OCA2: variants seen among roughly 807,000 people sequenced by gnomAD.
OCA2 encodes the protein OCA2 melanosomal transmembrane protein.
A neutral mutation model predicts 100.2 loss-of-function variants in OCA2; 77 were observed. The ratio of observed to expected loss-of-function variants is 0.77; its 90% confidence interval spans 0.64 to 0.93. OCA2 has a LOEUF of 0.93. Ranked by LOEUF, OCA2 falls within the 40% of genes least tolerant of loss-of-function variation. OCA2 has a pLI of 0.00. For missense variants in OCA2, 1,062 were observed against 1,089.1 expected, an observed-to-expected ratio of 0.98 and a Z score of 0.35; for synonymous variants, 432 against 439.2, an observed-to-expected ratio of 0.98 and a Z score of 0.21.
intron 17 of OCA2, 147 bp downstream of exon 17, chr15:27,955,009 ACT>A: frequency 2.7e-6 from 2 of 730,146 alleles, no homozygotes; most frequent in Non-Finnish European, 4.9e-6. Context: ...TTCCCCATCC[ACT>A]CACACACATA....
intron 2 of OCA2, among the ~76,000 whole-genome samples, chr15:28,041,060 A>G (rs2043186759): frequency 1.3e-5 from 2 of 152,284 alleles, no homozygotes; most frequent in Middle Eastern, 6.8e-3. Flanking sequence ...ACGAAAAGAA[A>G]ACTACAAACC....
At chr15:27,899,784 C>T (rs1388483018) in intron 19 of OCA2, among the ~76,000 whole-genome samples, 1 of 152,212 alleles carries the variant, frequency 6.6e-6, no homozygotes, top group Non-Finnish European at 1.5e-5. Context: ...CACCCTACAG[C>T]ATGCAGTATG....
chr15:28,032,862 C>A (rs1427632936), intron 2 of OCA2, among the ~76,000 whole-genome samples: 3 of 151,700 alleles, frequency 2.0e-5, no homozygotes, highest in African/African-American at 7.3e-5. Flanking sequence ...GCAGAAAATT[C>A]TATTTCCTAA....
chr15:27,928,735 T>C (rs1041825955), intron 18 of OCA2, among the ~76,000 whole-genome samples: 1 of 152,174 alleles, frequency 6.6e-6, no homozygotes, highest in Non-Finnish European at 1.5e-5. Context: ...AAGTCAGCAA[T>C]GTCCCTCTCA....
the OCA2 span, among the ~76,000 whole-genome samples, chr15:27,722,832 TTCTC>T: frequency 1.6e-4 from 20 of 126,016 alleles, no homozygotes; most frequent in African/African-American, 4.5e-4. Context: ...CTCTCTCTCT[TTCTC>T]TCTTTCTCTC....
At chr15:27,725,807 G>A in the OCA2 span, among the ~76,000 whole-genome samples, 13,672 of 151,972 alleles carry the variant, frequency 0.09, 2,121 homozygotes, top group African/African-American at 0.31. Flanking sequence ...TATTTGAAGA[G>A]GGTCAGCTTT....
At chr15:27,926,049 C>T in intron 19 of OCA2, 78 bp downstream of exon 19, 1 of 1,503,506 alleles carries the variant, frequency 6.7e-7, no homozygotes, top group Non-Finnish European at 9.2e-7. Context: ...TAGATGTAGG[C>T]TTTCTTCATT....
the OCA2 span, among the ~76,000 whole-genome samples, chr15:27,748,213 AC>A: frequency 6.6e-6 from 1 of 151,996 alleles, no homozygotes; most frequent in Non-Finnish European, 1.5e-5. Context: ...CCCTTCCCCA[AC>A]CCAGACACAC....
intron 2 of OCA2, among the ~76,000 whole-genome samples, chr15:28,077,662 T>A (rs997813666): frequency 6.6e-6 from 1 of 152,168 alleles, no homozygotes; most frequent in African/African-American, 2.4e-5. Context: ...AGGACTACTA[T>A]TAAAGGAGGG....
chr15:27,831,644 A>G (rs2034961541), intron 23 of OCA2, among the ~76,000 whole-genome samples: 1 of 152,176 alleles, frequency 6.6e-6, no homozygotes, highest in African/African-American at 2.4e-5. Context: ...GAGCCCTTCC[A>G]GAGGGAGCGT....
chr15:27,996,396 A>G (rs1394523443), intron 9 of OCA2, among the ~76,000 whole-genome samples: 5 of 152,152 alleles, frequency 3.3e-5, no homozygotes, highest in Non-Finnish European at 7.3e-5. Flanking sequence ...AAAAAGAAGA[A>G]AGAGCTCAAA....
chr15:27,924,752 A>T (rs1305844568), intron 19 of OCA2, among the ~76,000 whole-genome samples: 1 of 152,228 alleles, frequency 6.6e-6, no homozygotes, highest in Non-Finnish European at 1.5e-5. Flanking sequence ...AGTAAAAGAT[A>T]AAGAGAGGAA....
chr15:27,810,125 C>CA (rs1486645452), intron 23 of OCA2, among the ~76,000 whole-genome samples: 12 of 152,162 alleles, frequency 7.9e-5, no homozygotes, highest in African/African-American at 2.9e-4. Context: ...AGTCATGCTA[C>CA]AAGGCTATAG....
the OCA2 span, among the ~76,000 whole-genome samples, chr15:27,746,970 G>C: frequency 1.3e-5 from 2 of 152,300 alleles, no homozygotes; most frequent in African/African-American, 4.8e-5. Flanking sequence ...CATCCATTCA[G>C]ATGTTCCCTC....
intron 23 of OCA2, among the ~76,000 whole-genome samples, chr15:27,808,920 G>T (rs935593830): frequency 6.6e-6 from 1 of 152,188 alleles, no homozygotes; most frequent in African/African-American, 2.4e-5. Context: ...GAACAGATGG[G>T]ATCGTGGGGT....
In OCA2 at chr15:27,844,776, C is replaced by T. The variant is rs12592271; in HGVS notation, c.2432+183G>A. 0.21 allele frequency among the ~76,000 whole-genome samples: 31,825 copies of T among 152,152 alleles called. 4,161 individuals carry two copies. Among genetic ancestry groups the T allele is most frequent in the East Asian group, 0.56 (2,909 of 5,172 alleles). On this transcript the variant is annotated intron_variant, in intron 23 of 23. Coordinates refer to ENST00000354638, the MANE Select transcript of OCA2 (RefSeq NM_000275.3). ...TCGCCCTCCCAAAGTGCTAGGATTA[C>T]AGGCGTGAGCCACCAGCAATAAATT...
chr15:28,005,574 G>A (rs1051536147), intron 9 of OCA2, among the ~76,000 whole-genome samples: 2 of 151,960 alleles, frequency 1.3e-5, no homozygotes, highest in Non-Finnish European at 2.9e-5. Context: ...TTCCAGCTTC[G>A]AAGCCATCAA....
At chr15:27,877,564 C>T (rs542698331) in intron 19 of OCA2, among the ~76,000 whole-genome samples, 47 of 151,792 alleles carry the variant, frequency 3.1e-4, no homozygotes, top group African/African-American at 9.7e-4. Flanking sequence ...ATTAAATGTC[C>T]CTCATTATTT....
intron 19 of OCA2, among the ~76,000 whole-genome samples, chr15:27,887,999 A>C (rs1006214006): frequency 1.3e-5 from 2 of 152,170 alleles, no homozygotes; most frequent in African/African-American, 4.8e-5. Context: ...ACCCAGGTCA[A>C]GAGCCATGTG....
Sources: gnomAD v4.1 joint callset for allele counts (sites outside exome capture counted in the v4.1 genomes callset) on GRCh38, gnomAD v4.1.1 for gene constraint, MANE v1.5 for transcripts, NCBI Gene and HGNC (gene_info 2026-07-23, HGNC 2026-07-21) for gene names.